The following GALNS variants were observed in gnomAD, a reference collection of about 807,000 sequenced individuals.
GALNS encodes the protein N-acetylgalactosamine-6-sulfatase.
A neutral mutation model predicts 65.9 loss-of-function variants in GALNS; 65 were observed. That is an observed-to-expected ratio of 0.99 (90% CI 0.81 to 1.21). The LOEUF is 1.21. GALNS is among the 50% of genes most tolerant of loss of function. The pLI is 0.00. For missense variants in GALNS, 776 were observed against 700.7 expected (o/e 1.11, Z -1.21); for synonymous variants, 346 against 288.9 (o/e 1.20, Z -2.00).
At chr16:88,821,779 G>A (rs1170947051) in intron 12 of GALNS, among the ~76,000 whole-genome samples, 1 of 152,208 alleles carries the variant, frequency 6.6e-6, no homozygotes, top group African/African-American at 2.4e-5. Flanking sequence ...AGCAACCGCT[G>A]TGCTCAGGCC....
chr16:88,845,020 A>G (rs1967177823), intron 1 of GALNS: 1 of 152,266 alleles, frequency 6.6e-6, no homozygotes, highest in Non-Finnish European at 1.5e-5. Flanking sequence ...ATTTAAAATT[A>G]TAAAACCCAT....
At chr16:88,856,525 C>T (rs1293461829) in intron 1 of GALNS, 1 of 696,570 alleles carries the variant, frequency 1.4e-6, no homozygotes, top group Non-Finnish European at 2.6e-6. Context: ...GCCGAGACCC[C>T]ACGCCTGGAC....
At chr16:88,814,649 A>G (rs1909445876) in intron 13 of GALNS, 124 bp from the exon 14 acceptor site, 1 of 1,486,270 alleles carries the variant, frequency 6.7e-7, no homozygotes, top group Non-Finnish European at 9.1e-7. Context: ...GCTGGAGTTC[A>G]GTGGCGCGAT....
chr16:88,837,675 G>C lies in GALNS; in HGVS notation c.513C>G (p.Asp171Glu). 6.2e-7 allele frequency: 1 copy of C among 1,614,066 alleles called. No homozygotes were observed. Among genetic ancestry groups the C allele is most frequent in the Non-Finnish European group, 8.5e-7 (1 of 1,180,004 alleles). Reference sequence around the variant, plus strand: ...CAGGGATGTTGGGCCTGGCCTTGTTGTCATAAGGTCCAAAGTGGCAGTTGG... The same window carrying C: ...CAGGGATGTTGGGCCTGGCCTTGTTCTCATAAGGTCCAAAGTGGCAGTTGG... ...GSPNCHFGPY[D>E]NKARPNIPVY... is the part of the protein sequence containing the mutation. The change falls in exon 5 of 14, where the codon GAC (aspartate) becomes GAG (glutamate). Residue 171 changes from aspartate (D) to glutamate (E), a missense_variant. Coordinates refer to ENST00000268695, the MANE Select transcript of GALNS (RefSeq NM_000512.5).
chr16:88,841,236 G>C (rs1189526418), intron 3 of GALNS, 142 bp from the exon 4 acceptor site: 1 of 720,002 alleles, frequency 1.4e-6, no homozygotes, highest in Non-Finnish European at 2.5e-6. Flanking sequence ...CCTGGGGGCT[G>C]CGCGTCCACA....
At position 88,814,382 on chromosome 16, in the gene GALNS, C is replaced by T. The variant is rs954762526; in HGVS notation, c.*57G>A. 1.3e-5 allele frequency: 20 copies of T among 1,548,292 alleles called. No homozygotes were observed. The African/African-American group carries it at 1.8e-4, about 14-fold the overall frequency. On this transcript the variant is annotated 3_prime_UTR_variant, in exon 14 of 14. Transcript: ENST00000268695. ...GACCGAGGCCAGAGCCATCCTTCCT[C>T]CAGGCACTTGCAGGGCCAACCGGAG...
At position 88,850,744 on chromosome 16, in the gene GALNS, T is replaced by A. The variant is rs145946377; in HGVS notation, c.120+6014A>T. 6.2e-3 allele frequency among the ~76,000 whole-genome samples: 950 copies of A among 152,224 alleles called. 4 individuals carry two copies. The highest frequency in any genetic ancestry group is 0.01 in the Middle Eastern group (3 of 294). On this transcript the variant is annotated intron_variant, in intron 1 of 13. Transcript: ENST00000268695. ...GGGACGCTCGGGCTGCGAGCACAGG[T>A]GCGGGATGCTGACGGGGAAGCTGTG... is the stretch of plus-strand genomic sequence containing the variant.
intron 1 of GALNS, among the ~76,000 whole-genome samples, chr16:88,846,498 T>G (rs1967249454): frequency 1.3e-5 from 2 of 148,206 alleles, no homozygotes; most frequent in Admixed American, 6.7e-5. Context: ...CGAGACAGAA[T>G]GCGTTTCTGG....
At chr16:88,855,743 C>T in intron 1 of GALNS, 1 of 560,208 alleles carries the variant, frequency 1.8e-6, no homozygotes, top group Non-Finnish European at 3.2e-6. Context: ...CAGCACCTTC[C>T]AATTCCGACA....
At chr16:88,832,164 T>TC in intron 8 of GALNS, 63 bp from the exon 9 acceptor site, 1 of 1,378,632 alleles carries the variant, frequency 7.3e-7, no homozygotes, top group Non-Finnish European at 1.0e-6. Context: ...TCCCCCTCCC[T>TC]CCCCACTGAG....
At position 88,824,653 on chromosome 16, in the gene GALNS, G is replaced by A. The variant is rs74035847; in HGVS notation, c.1242+114C>T. 926 of 827,220 alleles carry A rather than the reference G, an allele frequency of 1.1e-3. 4 individuals are homozygous for A. In the African/African-American group the frequency reaches 0.012, roughly 10 times the overall value. The allele number at this position is 827,220 out of a possible 1,614,324, so 51.2% of individuals were successfully genotyped here. A position where few individuals can be genotyped will look rare whatever the true frequency, so the allele number is the denominator to read the frequency against. On this transcript the variant is annotated intron_variant, in intron 11 of 13. Coordinates refer to ENST00000268695, the MANE Select transcript of GALNS (RefSeq NM_000512.5). ...CCACACAGAGAAGGCTGTGGAGGGG[G>A]TGGAGTTCCTGCCTGTCTCACCCTC...
At chr16:88,836,101 G>C in intron 6 of GALNS, 100 bp downstream of exon 6, 1 of 1,220,056 alleles carries the variant, frequency 8.2e-7, no homozygotes, top group Non-Finnish European at 1.2e-6. Flanking sequence ...CACGGGGTGA[G>C]GTTGATGCAT....
intron 13 of GALNS, chr16:88,817,251 C>T (rs199594516): frequency 3.2e-5 from 13 of 405,708 alleles, no homozygotes; most frequent in African/African-American, 1.9e-4. Context: ...CTGGACAAGA[C>T]GACGACGCAT....
At chr16:88,816,661 C>G in intron 13 of GALNS, 1 of 985,444 alleles carries the variant, frequency 1.0e-6, no homozygotes, top group South Asian at 4.7e-5. Flanking sequence ...ATGGCCGGTG[C>G]TCTCCTGTTA....
At chr16:88,838,000 A>G (rs1021014593) in intron 4 of GALNS, 1 of 536,648 alleles carries the variant, frequency 1.9e-6, no homozygotes, top group Admixed American at 3.1e-5. Context: ...GGCGGCAGGC[A>G]TGGCGGCGGC....
Position 88,835,782 on chromosome 16 carries a change from G to T in GALNS, c.701C>A (p.Ala234Asp), listed in dbSNP as rs771696091. 2 of 1,614,164 alleles carry T rather than the reference G, an allele frequency of 1.2e-6. No individual in the cohort carries two copies. The highest frequency in any genetic ancestry group is 3.3e-5 in the Admixed American group (2 of 60,030). The change falls in exon 7 of 14, where the codon GCC (alanine) becomes GAC (aspartate). Residue 234 changes from alanine (A) to aspartate (D), a missense_variant. Ala to Asp is a moderately radical substitution (Grantham distance 126, BLOSUM62 -2). Transcript: ENST00000268695. ...HPFFLYWAVD[A>D]THAPVYASKP... is the part of the protein sequence containing the mutation. ...GGAGGCATAGACGGGTGCGTGCGTGGCGTCGACAGCCCAGTAGAGGAAAAA... is the reference window on the plus strand; with the variant it reads ...GGAGGCATAGACGGGTGCGTGCGTGTCGTCGACAGCCCAGTAGAGGAAAAA...
intron 1 of GALNS, chr16:88,856,115 G>A (rs985265906): frequency 4.3e-6 from 3 of 697,808 alleles, no homozygotes; most frequent in African/African-American, 1.7e-5. Flanking sequence ...TAGGGAAGGA[G>A]GCCTCCAGGC....
intron 3 of GALNS, 26 bp downstream of exon 3, chr16:88,841,871 G>A (rs1195019834): frequency 1.2e-6 from 2 of 1,602,406 alleles, no homozygotes; most frequent in Admixed American, 3.4e-5. Context: ...CCCCAAGGGT[G>A]TCCCTGGAGG....
rs1910962548 is a variant in GALNS at position 88,826,719 on chromosome 16, C to G, written c.1122G>C (p.Gln374His). 2.5e-6 allele frequency: 4 copies of G among 1,612,710 alleles called. No homozygotes were observed. The African/African-American group carries it at 5.3e-5, about 21-fold the overall frequency. The change falls in exon 10 of 14, where the codon CAG becomes CAC. Residue 374 changes from glutamine to histidine, a missense_variant. Coordinates refer to ENST00000268695, the MANE Select transcript of GALNS (RefSeq NM_000512.5). ...DGLNLLPTLL[Q>H]GRLMDRPIFY... is the part of the protein sequence containing the mutation. ...GCACCAACCTGTCCATCAGCCGGCC[C>G]TGCAGGAGGGTGGGGAGGAGGTTGA...
Sources: allele counts gnomAD v4.1 joint callset (sites outside exome capture counted in the v4.1 genomes callset), GRCh38; gene constraint gnomAD v4.1.1; transcripts MANE v1.5; gene names NCBI Gene and HGNC (gene_info 2026-07-23, HGNC 2026-07-21).